Variants in TRPM3 observed in about 807,000 individuals in gnomAD.
TRPM3 encodes transient receptor potential cation channel subfamily M member 3, also known as long transient receptor potential channel 3.
A neutral mutation model predicts 181.2 loss-of-function variants in TRPM3; 77 were observed. The observed-to-expected ratio is 0.42, with a 90% CI of 0.35 to 0.51. The LOEUF is 0.51. TRPM3 is among the 20% of genes least tolerant of loss of function. The probability of loss-of-function intolerance (pLI) is 0.01; values close to 1 mark genes in which losing one functional copy is unlikely to be tolerated. For synonymous variants in TRPM3, 745 were observed against 796.4 expected (o/e 0.94, Z 1.09); for missense variants, 1,759 against 2,196.7 (o/e 0.80, Z 3.98).
At chr9:71,223,612 A>G (rs112377852) in intron 1 of TRPM3, among the ~76,000 whole-genome samples, 2,340 of 152,322 alleles carry the variant, frequency 0.015, 35 homozygotes, top group East Asian at 0.075. Flanking sequence ...GGGGTCCCCA[A>G]TTCCAGGCCT....
At chr9:71,227,356 A>C (rs1009001090) in intron 1 of TRPM3, among the ~76,000 whole-genome samples, 1 of 151,986 alleles carries the variant, frequency 6.6e-6, no homozygotes, top group Non-Finnish European at 1.5e-5. Context: ...AAGCAAAACT[A>C]AGAGGAAAGT....
intron 1 of TRPM3, among the ~76,000 whole-genome samples, chr9:71,318,758 A>C (rs1390709945): frequency 6.6e-6 from 1 of 152,168 alleles, no homozygotes; most frequent in African/African-American, 2.4e-5. Context: ...GTGTTTTTTA[A>C]AAAAATTATT....
chr9:71,180,997 T>C (rs2077369877), intron 1 of TRPM3, among the ~76,000 whole-genome samples: 1 of 152,144 alleles, frequency 6.6e-6, no homozygotes, highest in Admixed American at 6.6e-5. Context: ...CTCTTGAGTG[T>C]TTATTTTCTT....
chr9:71,279,326 T>G (rs2084510875), intron 1 of TRPM3, among the ~76,000 whole-genome samples: 1 of 152,148 alleles, frequency 6.6e-6, no homozygotes, highest in African/African-American at 2.4e-5. Context: ...ATACGGATAG[T>G]TACACAACGG....
chr9:71,274,435 T>G (rs1257252908), intron 1 of TRPM3, among the ~76,000 whole-genome samples: 1 of 152,176 alleles, frequency 6.6e-6, no homozygotes, highest in African/African-American at 2.4e-5. Flanking sequence ...ATTAAGGTAT[T>G]AGTGAAAAAG....
intron 6 of TRPM3, among the ~76,000 whole-genome samples, chr9:70,802,916 C>A (rs746159245): frequency 1.3e-5 from 2 of 151,546 alleles, no homozygotes; most frequent in Admixed American, 6.6e-5. Context: ...GTTTTGTTTT[C>A]CATTTGTTTT....
In TRPM3 at chr9:70,533,879, CT is replaced by C. The variant is rs767340888; in HGVS notation, c.*2073del. ...CATCACAATTTTTATACCTGAAATG[CT>C]TATTCAGAAGAGTTTTTATTTTGTT... On this transcript the variant is annotated 3_prime_UTR_variant, in exon 26 of 26. Transcript: ENST00000677713. 2.0e-5 allele frequency: 3 copies of C among 152,086 alleles called. No homozygotes were observed. The highest frequency in any genetic ancestry group is 4.4e-5 in the Non-Finnish European group (3 of 68,008). 9.4% of individuals were successfully genotyped at this position (152,086 alleles called of 1,614,324 possible).
chr9:71,400,206 G>A (rs28408974), intron 1 of TRPM3, among the ~76,000 whole-genome samples: 1 of 151,942 alleles, frequency 6.6e-6, no homozygotes, highest in Non-Finnish European at 1.5e-5. Context: ...AGCAATCCAC[G>A]CACCTCAGTC....
intron 1 of TRPM3, among the ~76,000 whole-genome samples, chr9:71,319,924 A>G (rs967080428): frequency 1.3e-5 from 2 of 152,172 alleles, no homozygotes; most frequent in African/African-American, 4.8e-5. Context: ...AAATTCTAAT[A>G]TAAGAAGACT....
intron 19 of TRPM3, among the ~76,000 whole-genome samples, chr9:70,607,000 A>G (rs2061277404): frequency 6.6e-6 from 1 of 152,072 alleles, no homozygotes; most frequent in African/African-American, 2.4e-5. Context: ...AACTCAGAGC[A>G]CACACTGTGT....
chr9:71,444,911 T>C (rs1359600054), intron 1 of TRPM3, among the ~76,000 whole-genome samples: 1 of 152,256 alleles, frequency 6.6e-6, no homozygotes, highest in Non-Finnish European at 1.5e-5. Flanking sequence ...AAACTTGCCA[T>C]GCAATGTGAG....
chr9:70,870,353 G>C (rs1193084334), intron 1 of TRPM3, among the ~76,000 whole-genome samples: 1 of 152,048 alleles, frequency 6.6e-6, no homozygotes, highest in Non-Finnish European at 1.5e-5. Context: ...GTGACTTTCA[G>C]TTGGGGAAAC....
intron 8 of TRPM3, among the ~76,000 whole-genome samples, chr9:70,683,402 T>G (rs1039438959): frequency 3.4e-5 from 5 of 147,798 alleles, no homozygotes; most frequent in African/African-American, 1.2e-4. Context: ...TTCCTTTCCT[T>G]CCTTTTCTCT....
intron 1 of TRPM3, among the ~76,000 whole-genome samples, chr9:71,207,911 T>C (rs1489323758): frequency 6.6e-6 from 1 of 152,190 alleles, no homozygotes; most frequent in East Asian, 1.9e-4. Context: ...CTCCAAATTA[T>C]GCTGAGCTAT....
At chr9:70,841,078 T>C (rs971581586) in intron 5 of TRPM3, among the ~76,000 whole-genome samples, 1 of 152,182 alleles carries the variant, frequency 6.6e-6, no homozygotes, top group African/African-American at 2.4e-5. Context: ...GAAATGATTT[T>C]GGTGCTGAAA....
intron 1 of TRPM3, among the ~76,000 whole-genome samples, chr9:71,046,586 G>A (rs1240324974): frequency 6.6e-6 from 1 of 152,098 alleles, no homozygotes; most frequent in Non-Finnish European, 1.5e-5. Context: ...TTTGTTGCCT[G>A]TCTCCGGATC....
At chr9:71,102,705 T>C (rs779661043) in intron 1 of TRPM3, among the ~76,000 whole-genome samples, 15 of 152,222 alleles carry the variant, frequency 9.9e-5, no homozygotes, top group Non-Finnish European at 2.1e-4. Context: ...AATTAGTTGT[T>C]TCACACACTG....
At chr9:71,400,089 C>G (rs1174747368) in intron 1 of TRPM3, among the ~76,000 whole-genome samples, 2 of 152,122 alleles carry the variant, frequency 1.3e-5, no homozygotes, top group Non-Finnish European at 2.9e-5. Context: ...CAGAGTCCTG[C>G]TCAATGCCTC....
intron 1 of TRPM3, among the ~76,000 whole-genome samples, chr9:71,285,023 A>G (rs1287923909): frequency 6.6e-6 from 1 of 152,246 alleles, no homozygotes; most frequent in Non-Finnish European, 1.5e-5. Flanking sequence ...AATTAAAATC[A>G]GCAAACATAG....
Sources: allele counts gnomAD v4.1 joint callset (sites outside exome capture counted in the v4.1 genomes callset), GRCh38; gene constraint gnomAD v4.1.1; transcripts MANE v1.5; gene names NCBI Gene and HGNC (gene_info 2026-07-23, HGNC 2026-07-21).